Variants in SNRPD3 observed in about 807,000 individuals in gnomAD.
The protein encoded by SNRPD3 is small nuclear ribonucleoprotein Sm D3.
For missense variants in SNRPD3, 73 were observed against 167.5 expected (o/e 0.44, Z 3.11); for synonymous variants, 66 against 58.4 (o/e 1.13, Z -0.59).
intron 2 of SNRPD3, among the ~76,000 whole-genome samples, chr22:24,567,078 T>C (rs1337230921): frequency 6.6e-6 from 1 of 152,190 alleles, no homozygotes; most frequent in African/African-American, 2.4e-5. Flanking sequence ...CTCCAGTAAT[T>C]TCAGGCCCTT....
Position 24,574,254 on chromosome 22 carries a change from A to G in SNRPD3, c.*2277A>G, listed in dbSNP as rs540652780. 1.3e-5 allele frequency among the ~76,000 whole-genome samples: 2 copies of G among 152,370 alleles called. No homozygotes were observed. The highest frequency in any genetic ancestry group is 2.4e-5 in the African/African-American group (1 of 41,588). On this transcript the variant is annotated 3_prime_UTR_variant, in exon 4 of 4. Transcript: ENST00000215829. ...CACCAGCCTTGCAGATTCTCCACGCAATGGAAACTGGCTATAACCCTACCT... is the reference window on the plus strand; with the variant it reads ...CACCAGCCTTGCAGATTCTCCACGCGATGGAAACTGGCTATAACCCTACCT...
At position 24,571,874 on chromosome 22, in the gene SNRPD3, C is replaced by T. The variant is rs16978720; in HGVS notation, c.320-42C>T. The T allele has an allele frequency of 1.1e-3, 1,706 of 1,611,188 alleles. 16 individuals carry two copies. The African/African-American group carries it at 0.019, about 18-fold the overall frequency. ...GCTACTCTGTGCTATGAGCATTCACCGACCACACTGACCTGGCCTCATATT... is the reference window on the plus strand; with the variant it reads ...GCTACTCTGTGCTATGAGCATTCACTGACCACACTGACCTGGCCTCATATT... On this transcript the variant is annotated intron_variant, in intron 3 of 3. Transcript: ENST00000215829.
chr22:24,557,534 A>C, intron 1 of SNRPD3, 123 bp from the exon 2 acceptor site: 1 of 662,108 alleles, frequency 1.5e-6, no homozygotes, highest in Non-Finnish European at 2.6e-6. Flanking sequence ...CCTTGGTAGA[A>C]AATGCAGCTT....
At position 24,573,837 on chromosome 22, in the gene SNRPD3, C is replaced by T. The variant is rs1026220827; in HGVS notation, c.*1860C>T. Among the ~76,000 whole-genome samples the T allele has an allele frequency of 1.3e-5, 2 of 152,124 alleles. No homozygotes were observed. Among genetic ancestry groups the T allele is most frequent in the African/African-American group, 4.8e-5 (2 of 41,404 alleles). On this transcript the variant is annotated 3_prime_UTR_variant, in exon 4 of 4. Transcript: ENST00000215829. ...TTAAGGCTGCAGTGAGCTATAATTGCACCACTGCACTCCAGCCTGGATGAC... is the reference window on the plus strand; with the variant it reads ...TTAAGGCTGCAGTGAGCTATAATTGTACCACTGCACTCCAGCCTGGATGAC...
At position 24,573,645 on chromosome 22, in the gene SNRPD3, C is replaced by T. The variant is rs1053891564; in HGVS notation, c.*1668C>T. On this transcript the variant is annotated 3_prime_UTR_variant, in exon 4 of 4. Coordinates refer to ENST00000215829, the MANE Select transcript of SNRPD3 (RefSeq NM_004175.5). ...ATGCCAGCACTTTGGGAGGTCGAGG[C>T]GGGAGGATCACTTGAACCTAGGAGT... is the stretch of plus-strand genomic sequence containing the variant. Among the ~76,000 whole-genome samples, 6 of 151,980 alleles carry T rather than the reference C, an allele frequency of 3.9e-5. No individual in the cohort carries two copies. Among genetic ancestry groups the T allele is most frequent in the South Asian group, 2.1e-4 (1 of 4,818 alleles).
In SNRPD3 at chr22:24,572,449, CT is replaced by C. The variant is rs1159642766; in HGVS notation, c.*475del. The C allele has an allele frequency of 3.0e-6, 1 of 329,014 alleles. No individual in the cohort carries two copies. The highest frequency in any genetic ancestry group is 5.7e-6 in the Non-Finnish European group (1 of 176,640). The allele number at this position is 329,014 out of a possible 1,614,324, so 20.4% of individuals were successfully genotyped here. On this transcript the variant is annotated 3_prime_UTR_variant, in exon 4 of 4. Coordinates refer to ENST00000215829, the MANE Select transcript of SNRPD3 (RefSeq NM_004175.5). ...CTCAGCTTTAACAACACAGGTGACT[CT>C]TTCCCTTGATAAAGTCATAGGTAAT...
chr22:24,566,489 T>C (rs2045197874), intron 2 of SNRPD3, among the ~76,000 whole-genome samples: 1 of 152,138 alleles, frequency 6.6e-6, no homozygotes, highest in African/African-American at 2.4e-5. Flanking sequence ...CTCAAACTCC[T>C]GGGCTCAAGT....
chr22:24,569,711 C>T (rs1266711458), intron 3 of SNRPD3, among the ~76,000 whole-genome samples: 1 of 152,332 alleles, frequency 6.6e-6, no homozygotes, highest in Admixed American at 6.5e-5. Flanking sequence ...AGCCAGGGTT[C>T]TCACGTCTCA....
At chr22:24,564,484 C>T (rs571892422) in intron 2 of SNRPD3, among the ~76,000 whole-genome samples, 4 of 152,316 alleles carry the variant, frequency 2.6e-5, no homozygotes, top group African/African-American at 9.6e-5. Context: ...GTGATACAAA[C>T]ACAGGTCAGG....
At chr22:24,566,178 GC>G (rs1218096791) in intron 2 of SNRPD3, among the ~76,000 whole-genome samples, 1 of 152,186 alleles carries the variant, frequency 6.6e-6, no homozygotes, top group African/African-American at 2.4e-5. Context: ...GAGCCCTGTT[GC>G]CCCTGAAGGT....
At position 24,561,064 on chromosome 22, in the gene SNRPD3, C is replaced by CTTT. The variant is rs1164120857; in HGVS notation, c.126+3287_126+3289dup. ...TTTTTTTTCTTTTCCTTTTTCTTTT[C>CTTT]TTTTTTTTTTTTTTTTTTTTTTTTT... is the stretch of plus-strand genomic sequence containing the variant. On this transcript the variant is annotated intron_variant, in intron 2 of 3. Coordinates refer to ENST00000215829, the MANE Select transcript of SNRPD3 (RefSeq NM_004175.5). Among the ~76,000 whole-genome samples, 477 of 61,640 alleles carry CTTT rather than the reference C, an allele frequency of 7.7e-3. 22 individuals carry two copies. The highest frequency in any genetic ancestry group is 0.022 in the African/African-American group (285 of 13,052). 40.4% of individuals were successfully genotyped at this position (61,640 alleles called of 152,430 possible). A position where few individuals can be genotyped will look rare whatever the true frequency, so the allele number is the denominator to read the frequency against.
At chr22:24,561,358 G>A (rs116464199) in intron 2 of SNRPD3, among the ~76,000 whole-genome samples, 2,882 of 152,232 alleles carry the variant, frequency 0.019, 94 homozygotes, top group African/African-American at 0.066. Context: ...ACAGGCATGA[G>A]CCACCACATC....
Position 24,573,773 on chromosome 22 carries a change from C to G in SNRPD3, c.*1796C>G, listed in dbSNP as rs1007548494. On this transcript the variant is annotated 3_prime_UTR_variant, in exon 4 of 4. Transcript: ENST00000215829. ...GCTGATGCCTGCAGTCCCAGCTATCCTGGAGGTTGAGGCAGGACGACCACA... is the reference window on the plus strand; with the variant it reads ...GCTGATGCCTGCAGTCCCAGCTATCGTGGAGGTTGAGGCAGGACGACCACA... 3.3e-5 allele frequency among the ~76,000 whole-genome samples: 5 copies of G among 152,098 alleles called. No individual in the cohort carries two copies. Among genetic ancestry groups the G allele is most frequent in the African/African-American group, 1.2e-4 (5 of 41,392 alleles).
intron 3 of SNRPD3, among the ~76,000 whole-genome samples, chr22:24,570,772 A>G (rs1452684051): frequency 1.3e-5 from 2 of 149,940 alleles, no homozygotes; most frequent in East Asian, 2.0e-4. Context: ...TTATCATGCT[A>G]TTTATATGGA....
intron 1 of SNRPD3, among the ~76,000 whole-genome samples, chr22:24,556,993 AT>A (rs1186705743): frequency 1.3e-5 from 2 of 152,204 alleles, no homozygotes; most frequent in African/African-American, 4.8e-5. Context: ...TGATAGTAAA[AT>A]AAGTGAAGGG....
intron 2 of SNRPD3, among the ~76,000 whole-genome samples, chr22:24,563,924 A>G (rs775831604): frequency 9.2e-5 from 14 of 152,164 alleles, no homozygotes; most frequent in Non-Finnish European, 1.6e-4. Flanking sequence ...TATTGCTAGG[A>G]AAGTTTTTGA....
In SNRPD3 at chr22:24,572,053, A is replaced by G. The variant is rs1029547775; in HGVS notation, c.*76A>G. The G allele has an allele frequency of 1.9e-6, 3 of 1,595,102 alleles. No homozygotes were observed. Among genetic ancestry groups the G allele is most frequent in the Non-Finnish European group, 2.6e-6 (3 of 1,170,304 alleles). On this transcript the variant is annotated 3_prime_UTR_variant, in exon 4 of 4. Coordinates refer to ENST00000215829, the MANE Select transcript of SNRPD3 (RefSeq NM_004175.5). The stretch of plus-strand genomic sequence containing the variant: ...TTCATTGGAGTGGGTGCTTGTGCAT[A>G]TATGCTAGGTATCTTTTGCCATCTT...
chr22:24,559,565 C>T (rs1043965776), intron 2 of SNRPD3, among the ~76,000 whole-genome samples: 2 of 152,160 alleles, frequency 1.3e-5, no homozygotes, highest in African/African-American at 4.8e-5. Context: ...GAGATGCAGT[C>T]AACATGACAC....
intron 2 of SNRPD3, among the ~76,000 whole-genome samples, chr22:24,561,151 C>T (rs2045139764): frequency 1.4e-5 from 2 of 138,078 alleles, no homozygotes; most frequent in Non-Finnish European, 3.0e-5. Flanking sequence ...AGCTCATGGG[C>T]AGCCTTGGAC....
Sources: allele counts gnomAD v4.1 joint callset (sites outside exome capture counted in the v4.1 genomes callset), GRCh38; gene constraint gnomAD v4.1.1; transcripts MANE v1.5; gene names NCBI Gene and HGNC (gene_info 2026-07-23, HGNC 2026-07-21).